RBPMS: variants seen among roughly 807,000 people sequenced by gnomAD.
RBPMS encodes the protein RNA binding protein, mRNA processing factor.
RBPMS carries 7 observed loss-of-function variants against 26.8 expected under a neutral mutation model. The observed-to-expected ratio is 0.26, with a 90% CI of 0.15 to 0.49. The LOEUF (loss-of-function observed/expected upper bound fraction) is 0.49, where lower values mean the gene tolerates loss of function less well. Ranked by LOEUF, RBPMS falls within the 20% of genes least tolerant of loss-of-function variation. The pLI, the probability that RBPMS is intolerant of heterozygous loss-of-function variation, is 0.98. For synonymous variants in RBPMS, 96 were observed against 93.3 expected, an observed-to-expected ratio of 1.03 and a Z score of -0.17; for missense variants, 186 against 250.0, an observed-to-expected ratio of 0.74 and a Z score of 1.73.
At chr8:30,451,791 G>A (rs1814616821) in intron 1 of RBPMS, among the ~76,000 whole-genome samples, 1 of 152,274 alleles carries the variant, frequency 6.6e-6, no homozygotes, top group African/African-American at 2.4e-5. Context: ...ATATCAAATT[G>A]TAACAAATCT....
intron 4 of RBPMS, among the ~76,000 whole-genome samples, chr8:30,501,420 G>A (rs987042774): frequency 4.0e-5 from 6 of 151,734 alleles, no homozygotes; most frequent in Non-Finnish European, 8.8e-5. Context: ...ATACTTTTAA[G>A]TATACTGGAC....
intron 5 of RBPMS, among the ~76,000 whole-genome samples, chr8:30,510,891 G>A (rs1486651179): frequency 2.6e-5 from 4 of 152,142 alleles, no homozygotes; most frequent in African/African-American, 7.2e-5. Flanking sequence ...TAGCCCATGG[G>A]TGCTGACAGC....
At chr8:30,435,198 A>G (rs1248205129) in intron 1 of RBPMS, among the ~76,000 whole-genome samples, 2 of 152,216 alleles carry the variant, frequency 1.3e-5, no homozygotes, top group Admixed American at 6.5e-5. Flanking sequence ...CATGAACACA[A>G]TTACTTAAAA....
intron 7 of RBPMS, among the ~76,000 whole-genome samples, chr8:30,561,697 C>T (rs1008740357): frequency 6.6e-6 from 1 of 152,184 alleles, no homozygotes; most frequent in Non-Finnish European, 1.5e-5. Context: ...CCACTTCTGT[C>T]AGTCAGATGC....
At chr8:30,540,928 G>GT (rs2151036200) in intron 5 of RBPMS, among the ~76,000 whole-genome samples, 1 of 152,324 alleles carries the variant, frequency 6.6e-6, no homozygotes, top group Admixed American at 6.5e-5. Flanking sequence ...TGAGTGGAAG[G>GT]TAGCATCTTG....
At chr8:30,514,902 C>G (rs1213969497) in intron 5 of RBPMS, among the ~76,000 whole-genome samples, 1 of 152,002 alleles carries the variant, frequency 6.6e-6, no homozygotes, top group African/African-American at 2.4e-5. Context: ...GAACCATTAT[C>G]TTCCAAATGA....
rs1197314588 is a variant in RBPMS, at chr8:30,537,436, CAG to C, written c.398-7054_398-7053del. 6.3e-5 allele frequency: 24 copies of C among 378,594 alleles called. No homozygotes were observed. In the Middle Eastern group the frequency reaches 6.0e-3, roughly 95 times the overall value. 23.5% of individuals were successfully genotyped at this position (378,594 alleles called of 1,614,324 possible). ...AACTTGTTGCTTCTGCAGTTTGTAT[CAG>C]AGAAATAGTGGAGTGGGGAGACGGT... On this transcript the variant is annotated intron_variant, in intron 5 of 8. Coordinates refer to ENST00000397323, the MANE Select transcript of RBPMS (RefSeq NM_001008710.3).
Position 30,555,382 on chromosome 8 carries a change from C to T in RBPMS, c.529-3505C>T, listed in dbSNP as rs182642167. 1.2e-4 allele frequency among the ~76,000 whole-genome samples: 19 copies of T among 152,294 alleles called. No homozygotes were observed. In the East Asian group the frequency reaches 3.5e-3, roughly 28 times the overall value. Reference sequence around the variant, plus strand: ...TTCTAGTGGAGAAGATTCCCAGGGTCGTCCACGTTGCCTTAGATGTCACAG... The same window carrying T: ...TTCTAGTGGAGAAGATTCCCAGGGTTGTCCACGTTGCCTTAGATGTCACAG... On this transcript the variant is annotated intron_variant, in intron 6 of 8. Transcript: ENST00000397323.
At chr8:30,557,198 G>A (rs921355296) in intron 6 of RBPMS, among the ~76,000 whole-genome samples, 7 of 152,220 alleles carry the variant, frequency 4.6e-5, no homozygotes, top group Non-Finnish European at 1.0e-4. Flanking sequence ...TCGTGGTGCA[G>A]GCAGAAGCTC....
At chr8:30,547,360 C>T in intron 6 of RBPMS, 1 of 1,613,738 alleles carries the variant, frequency 6.2e-7, no homozygotes, top group Non-Finnish European at 8.5e-7. Context: ...TTAGATTTGT[C>T]TCTGGGAATG....
In RBPMS at chr8:30,385,049, C is replaced by A. The variant is rs751416162; in HGVS notation, c.-44C>A. 6.4e-5 allele frequency: 94 copies of A among 1,459,894 alleles called. No homozygotes were observed. Among genetic ancestry groups the A allele is most frequent in the Non-Finnish European group, 8.0e-5 (88 of 1,097,200 alleles). 90.4% of individuals were successfully genotyped at this position (1,459,894 alleles called of 1,614,324 possible). A position where few individuals can be genotyped will look rare whatever the true frequency, so the allele number is the denominator to read the frequency against. The stretch of plus-strand genomic sequence containing the variant: ...TGGGCTAGCGCGCCCTCGCCCAGCC[C>A]CGCGCCCCAGCCCTGCCCGGCCCGG... On this transcript the variant is annotated 5_prime_UTR_variant, in exon 1 of 9. Transcript: ENST00000397323.
At chr8:30,508,278 G>A (rs558940014) in intron 5 of RBPMS, among the ~76,000 whole-genome samples, 3 of 152,298 alleles carry the variant, frequency 2.0e-5, no homozygotes, top group Admixed American at 6.5e-5. Context: ...CTCTAGAACT[G>A]TGAGGAAATA....
At chr8:30,420,237 AAAAG>A (rs995995896) in intron 1 of RBPMS, among the ~76,000 whole-genome samples, 21 of 152,096 alleles carry the variant, frequency 1.4e-4, no homozygotes, top group Non-Finnish European at 2.5e-4. Context: ...CAAAAAAAAA[AAAAG>A]AAAGAAAATA....
chr8:30,449,642 A>G (rs1814309911), intron 1 of RBPMS, among the ~76,000 whole-genome samples: 1 of 152,110 alleles, frequency 6.6e-6, no homozygotes, highest in African/African-American at 2.4e-5. Flanking sequence ...AAGTGCTGGG[A>G]TTACAGGCAT....
At chr8:30,504,700 G>A (rs1054340575) in intron 5 of RBPMS, among the ~76,000 whole-genome samples, 12 of 152,146 alleles carry the variant, frequency 7.9e-5, no homozygotes, top group African/African-American at 2.9e-4. Flanking sequence ...ATGTTATATT[G>A]ACCATCATGA....
intron 5 of RBPMS, among the ~76,000 whole-genome samples, chr8:30,519,583 A>G (rs1464711227): frequency 6.8e-6 from 1 of 146,642 alleles, no homozygotes; most frequent in Non-Finnish European, 1.5e-5. Context: ...TTCCAGGTTC[A>G]TGCCATTCTC....
At chr8:30,541,343 C>T (rs999200651) in intron 5 of RBPMS, among the ~76,000 whole-genome samples, 4 of 152,136 alleles carry the variant, frequency 2.6e-5, no homozygotes, top group Middle Eastern at 3.2e-3. Context: ...TGGAAGTTTC[C>T]AGTCCTTGTT....
intron 8 of RBPMS, among the ~76,000 whole-genome samples, chr8:30,569,070 C>G (rs532744719): frequency 6.6e-6 from 1 of 152,232 alleles, no homozygotes; most frequent in East Asian, 1.9e-4. Context: ...AAAGCTGGAG[C>G]CACCATATCC....
chr8:30,562,343 AAG>A (rs1491037176), intron 7 of RBPMS, among the ~76,000 whole-genome samples: 30 of 151,558 alleles, frequency 2.0e-4, no homozygotes, highest in Non-Finnish European at 3.5e-4. Flanking sequence ...AAAAAAAAAA[AAG>A]AGTATGTAAT....
Sources: allele counts gnomAD v4.1 joint callset (sites outside exome capture counted in the v4.1 genomes callset), GRCh38; gene constraint gnomAD v4.1.1; transcripts MANE v1.5; gene names NCBI Gene and HGNC (gene_info 2026-07-23, HGNC 2026-07-21).